GPC6: variants seen among roughly 807,000 people sequenced by gnomAD.
The protein encoded by GPC6 is glypican 6, also known as glypican-6.
In GPC6, 14 loss-of-function variants were observed where a neutral mutation model predicts 55.2. That is an observed-to-expected ratio of 0.25 (90% CI 0.17 to 0.40). GPC6 has a LOEUF of 0.40. Among genes scored for constraint, GPC6 ranks in the 10% least tolerant of loss-of-function variants. The probability of loss-of-function intolerance (pLI) is 1.00; values close to 1 mark genes in which losing one functional copy is unlikely to be tolerated. For synonymous variants in GPC6, 278 were observed against 259.6 expected, an observed-to-expected ratio of 1.07 and a Z score of -0.68; for missense variants, 641 against 708.5, an observed-to-expected ratio of 0.90 and a Z score of 1.08.
rs1354106946 is a variant in GPC6 at position 93,466,026 on chromosome 13, A to G, written c.161-79237A>G. Among the ~76,000 whole-genome samples the G allele has an allele frequency of 2.6e-5, 4 of 152,292 alleles. No individual in the cohort carries two copies. The South Asian group carries it at 6.2e-4, about 24-fold the overall frequency. ...GTCAGAACACAGAAATTATTAAAATAATTACAATAATAACATCAAAGATTA... is the reference window on the plus strand; with the variant it reads ...GTCAGAACACAGAAATTATTAAAATGATTACAATAATAACATCAAAGATTA... On this transcript the variant is annotated intron_variant, in intron 1 of 8. Coordinates refer to ENST00000377047, the MANE Select transcript of GPC6 (RefSeq NM_005708.5).
At chr13:94,015,863 T>C (rs1882445832) in intron 3 of GPC6, among the ~76,000 whole-genome samples, 1 of 152,246 alleles carries the variant, frequency 6.6e-6, no homozygotes, top group Admixed American at 6.5e-5. Flanking sequence ...TCTGTATGTC[T>C]GTTCTTACAC....
intron 1 of GPC6, among the ~76,000 whole-genome samples, chr13:93,288,314 A>G (rs1460207366): frequency 1.3e-5 from 2 of 152,194 alleles, no homozygotes; most frequent in Non-Finnish European, 2.9e-5. Context: ...AATGGGATCA[A>G]ATAAGCTCTC....
At chr13:93,630,062 G>A (rs1879366068) in intron 2 of GPC6, among the ~76,000 whole-genome samples, 1 of 152,162 alleles carries the variant, frequency 6.6e-6, no homozygotes, top group African/African-American at 2.4e-5. Flanking sequence ...TTGGCCACAG[G>A]CAGCACAGAA....
At chr13:93,259,173 T>G (rs1397702469) in intron 1 of GPC6, among the ~76,000 whole-genome samples, 1 of 152,198 alleles carries the variant, frequency 6.6e-6, no homozygotes, top group Non-Finnish European at 1.5e-5. Flanking sequence ...TGGATTTCTA[T>G]GTTCATAATA....
At chr13:93,508,505 C>T (rs1389037637) in intron 1 of GPC6, among the ~76,000 whole-genome samples, 2 of 152,086 alleles carry the variant, frequency 1.3e-5, no homozygotes, top group African/African-American at 2.4e-5. Flanking sequence ...TCATCTTGGG[C>T]CACAAAGGCT....
intron 1 of GPC6, among the ~76,000 whole-genome samples, chr13:93,389,660 T>C (rs1408213): frequency 5.3e-4 from 81 of 152,036 alleles, no homozygotes; most frequent in African/African-American, 1.9e-3. Flanking sequence ...ATGTTAAATA[T>C]GTACACGTTT....
chr13:94,354,931 T>G (rs1004073956), intron 6 of GPC6, among the ~76,000 whole-genome samples: 2 of 152,064 alleles, frequency 1.3e-5, no homozygotes, highest in Non-Finnish European at 2.9e-5. Flanking sequence ...AACCAGGAGA[T>G]TCCATGTTCA....
intron 1 of GPC6, among the ~76,000 whole-genome samples, chr13:93,386,150 A>G (rs1432488805): frequency 6.6e-6 from 1 of 150,882 alleles, no homozygotes; most frequent in Non-Finnish European, 1.5e-5. Context: ...GTCAAATTCT[A>G]TTATCCTTTT....
chr13:93,422,148 T>C lies in GPC6; in HGVS notation c.161-123115T>C, dbSNP rs114580470. On this transcript the variant is annotated intron_variant, in intron 1 of 8. Coordinates refer to ENST00000377047, the MANE Select transcript of GPC6 (RefSeq NM_005708.5). ...AAGCAATAAATGCACATTTGTTGGA[T>C]TGGATGGGCACTCTTCCCCCACGAT... 7.7e-3 allele frequency among the ~76,000 whole-genome samples: 1,171 copies of C among 152,180 alleles called. 15 individuals are homozygous for C. The highest frequency in any genetic ancestry group is 0.026 in the African/African-American group (1,094 of 41,524).
chr13:94,152,464 A>G (rs1887774784), intron 4 of GPC6, among the ~76,000 whole-genome samples: 1 of 152,158 alleles, frequency 6.6e-6, no homozygotes, highest in Admixed American at 6.6e-5. Flanking sequence ...AAAACTTAGT[A>G]CATGTCAGGT....
At chr13:93,555,121 T>G (rs1875387486) in intron 2 of GPC6, among the ~76,000 whole-genome samples, 1 of 152,188 alleles carries the variant, frequency 6.6e-6, no homozygotes, top group Non-Finnish European at 1.5e-5. Flanking sequence ...TTTTTAAAAT[T>G]TATTTGCATG....
At chr13:94,039,807 T>C (rs1425859710) in intron 4 of GPC6, among the ~76,000 whole-genome samples, 2 of 151,868 alleles carry the variant, frequency 1.3e-5, no homozygotes, top group Non-Finnish European at 2.9e-5. Flanking sequence ...TTTTCTTCCC[T>C]GTGAAATCAT....
At chr13:93,816,898 T>C (rs1329800786) in intron 2 of GPC6, among the ~76,000 whole-genome samples, 1 of 152,246 alleles carries the variant, frequency 6.6e-6, no homozygotes, top group African/African-American at 2.4e-5. Context: ...TTATATTTTG[T>C]ATTAAAAGTG....
intron 1 of GPC6, among the ~76,000 whole-genome samples, chr13:93,483,643 A>T (rs545350530): frequency 1.3e-5 from 2 of 152,152 alleles, no homozygotes; most frequent in Non-Finnish European, 2.9e-5. Context: ...GATAGCATAT[A>T]TGTTTGTAGT....
chr13:94,013,716 G>A (rs948048108), intron 3 of GPC6, among the ~76,000 whole-genome samples: 4 of 152,124 alleles, frequency 2.6e-5, no homozygotes, highest in Admixed American at 6.5e-5. Flanking sequence ...TGTAATATAC[G>A]CTGACAAGTG....
the GPC6 span, among the ~76,000 whole-genome samples, chr13:93,219,247 C>T: frequency 1.3e-5 from 2 of 152,196 alleles, no homozygotes; most frequent in African/African-American, 4.8e-5. Context: ...ACTCATACCA[C>T]CACGCCCAGC....
At chr13:94,334,812 C>A (rs2139147058) in intron 6 of GPC6, among the ~76,000 whole-genome samples, 1 of 152,316 alleles carries the variant, frequency 6.6e-6, no homozygotes, top group South Asian at 2.1e-4. Flanking sequence ...CATCGGAAAT[C>A]CAGCTTTAAG....
chr13:94,386,359 CA>C (rs35238644), intron 7 of GPC6, among the ~76,000 whole-genome samples: 176 of 118,360 alleles, frequency 1.5e-3, no homozygotes, highest in Admixed American at 2.2e-3. Context: ...GACTCTGTCT[CA>C]AAAAAAAAAA....
chr13:94,026,501 G>T (rs1455713767), intron 3 of GPC6, among the ~76,000 whole-genome samples: 2 of 151,790 alleles, frequency 1.3e-5, no homozygotes, highest in Admixed American at 6.6e-5. Flanking sequence ...GTACAGCAAT[G>T]TATAGTTACT....
Sources: allele counts gnomAD v4.1 joint callset (sites outside exome capture counted in the v4.1 genomes callset), GRCh38; gene constraint gnomAD v4.1.1; transcripts MANE v1.5; gene names NCBI Gene and HGNC (gene_info 2026-07-23, HGNC 2026-07-21).